USP32: variants seen among roughly 807,000 people sequenced by gnomAD.
The protein encoded by USP32 is ubiquitin carboxyl-terminal hydrolase 32.
USP32 carries 59 observed loss-of-function variants against 204.8 expected under a neutral mutation model. The observed-to-expected ratio is 0.29, with a 90% CI of 0.23 to 0.36. USP32 has a LOEUF of 0.36. Among genes scored for constraint, USP32 ranks in the 10% least tolerant of loss-of-function variants. USP32 has a pLI of 1.00. For synonymous variants in USP32, 517 were observed against 678.4 expected (o/e 0.76, Z 3.70); for missense variants, 1,160 against 1,946.4 (o/e 0.60, Z 7.60).
chr17:60,301,890 T>C (rs2087586033), intron 2 of USP32, among the ~76,000 whole-genome samples, 186 bp from the exon 3 acceptor site: 1 of 152,212 alleles, frequency 6.6e-6, no homozygotes, highest in South Asian at 2.1e-4. Flanking sequence ...CAGCCTAGAA[T>C]AGACTGTGAC....
Position 60,391,997 on chromosome 17 carries a change from CG to C in USP32, c.-59del. ...CCTGATCTCGCCCCCACCCCCCTCCCGCCTTCTCCTCGGCGTCCCTGGGTGA... is the reference window on the plus strand; with the variant it reads ...CCTGATCTCGCCCCCACCCCCCTCCCCCTTCTCCTCGGCGTCCCTGGGTGA... On this transcript the variant is annotated 5_prime_UTR_variant, in exon 1 of 34. Transcript: ENST00000300896. 6.4e-7 allele frequency: 1 copy of C among 1,566,550 alleles called. No homozygotes were observed. The highest frequency in any genetic ancestry group is 8.7e-7 in the Non-Finnish European group (1 of 1,153,328).
At chr17:60,197,409 A>G (rs181580552) in intron 27 of USP32, among the ~76,000 whole-genome samples, 33 of 152,100 alleles carry the variant, frequency 2.2e-4, no homozygotes, top group African/African-American at 7.7e-4. Context: ...GTTTGAGAAC[A>G]GCCTGACCAA....
intron 3 of USP32, among the ~76,000 whole-genome samples, chr17:60,296,964 C>G (rs2087446189): frequency 6.6e-6 from 1 of 152,114 alleles, no homozygotes; most frequent in Non-Finnish European, 1.5e-5. Context: ...ATCCCTTTTG[C>G]AGTTTAGAGA....
At chr17:60,368,104 T>C (rs2089355196) in intron 1 of USP32, among the ~76,000 whole-genome samples, 1 of 152,160 alleles carries the variant, frequency 6.6e-6, no homozygotes, top group Non-Finnish European at 1.5e-5. Flanking sequence ...AAGGGACTCC[T>C]GTCCTTCAAA....
At chr17:60,368,183 T>C (rs2089356228) in intron 1 of USP32, among the ~76,000 whole-genome samples, 1 of 152,164 alleles carries the variant, frequency 6.6e-6, no homozygotes, top group Non-Finnish European at 1.5e-5. Context: ...CCCTGTTTCA[T>C]ACAATTCCAA....
chr17:60,414,411 T>G (rs1043855021), intron 1 of USP32, among the ~76,000 whole-genome samples: 7 of 151,406 alleles, frequency 4.6e-5, no homozygotes, highest in Admixed American at 4.0e-4. Flanking sequence ...CTAACTTCCT[T>G]GGTGATTGTT....
In USP32 at chr17:60,219,632, C is replaced by T. The variant is rs775512185; in HGVS notation, c.1867+38G>A. ...CTTGCTGCATTCTTAAGTTACCTCT[C>T]GGTAAATGCTGAGGAAACATTCTCA... On this transcript the variant is annotated intron_variant, in intron 16 of 33. Coordinates refer to ENST00000300896, the MANE Select transcript of USP32 (RefSeq NM_032582.4). The T allele has an allele frequency of 1.0e-5, 15 of 1,478,986 alleles. 1 individual carries two copies. Among genetic ancestry groups the T allele is most frequent in the African/African-American group, 4.8e-5 (3 of 62,252 alleles). 91.6% of individuals were successfully genotyped at this position (1,478,986 alleles called of 1,614,324 possible).
At chr17:60,218,506 G>T (rs1157483533) in intron 16 of USP32, among the ~76,000 whole-genome samples, 1 of 152,054 alleles carries the variant, frequency 6.6e-6, no homozygotes, top group East Asian at 1.9e-4. Context: ...TTTGGTCAGG[G>T]TTTAGAGGTA....
chr17:60,279,241 T>TTTGGGATTACTCCCAAA (rs2086907847), intron 5 of USP32, among the ~76,000 whole-genome samples: 1 of 152,138 alleles, frequency 6.6e-6, no homozygotes, highest in Non-Finnish European at 1.5e-5. Context: ...GGCTCACACC[T>TTTGGGATTACTCCCAAA]GTAATCCCAG....
upstream of USP32, among the ~76,000 whole-genome samples, chr17:60,393,464 A>T (rs1373691663): frequency 1.3e-5 from 2 of 152,210 alleles, no homozygotes; most frequent in Non-Finnish European, 2.9e-5. Context: ...ATTATTATTT[A>T]GTTCCTTGAT....
intron 1 of USP32, among the ~76,000 whole-genome samples, chr17:60,364,777 A>C (rs190847074): frequency 5.5e-4 from 84 of 152,362 alleles, no homozygotes; most frequent in Non-Finnish European, 3.2e-4. Context: ...ATAAAGGCCA[A>C]CATAATTTAT....
Position 60,178,726 on chromosome 17 carries a change from T to TTGAAAAATCCTCGTCCATGCC in USP32, c.*508_*528dup, listed in dbSNP as rs1446622536. ...GTATGGAAACAGTTTAAAAAATAAA[T>TTGAAAAATCCTCGTCCATGCC]TGAAAAATCCTCGTCCATGCCTTAA... On this transcript the variant is annotated 3_prime_UTR_variant, in exon 34 of 34. Coordinates refer to ENST00000300896, the MANE Select transcript of USP32 (RefSeq NM_032582.4). Among the ~76,000 whole-genome samples, 2 of 152,344 alleles carry TTGAAAAATCCTCGTCCATGCC rather than the reference T, an allele frequency of 1.3e-5. No homozygotes were observed. Among genetic ancestry groups the TTGAAAAATCCTCGTCCATGCC allele is most frequent in the East Asian group, 3.9e-4 (2 of 5,192 alleles).
chr17:60,267,000 G>T (rs2086609404), intron 7 of USP32, among the ~76,000 whole-genome samples: 1 of 151,086 alleles, frequency 6.6e-6, no homozygotes, highest in Non-Finnish European at 1.5e-5. Context: ...TGTTGGCCAG[G>T]CTGGTCTCAA....
At chr17:60,365,211 T>A (rs1310155274) in intron 1 of USP32, among the ~76,000 whole-genome samples, 1 of 152,188 alleles carries the variant, frequency 6.6e-6, no homozygotes, top group Non-Finnish European at 1.5e-5. Flanking sequence ...CCGGGTGCGG[T>A]GGCTCATACC....
Position 60,185,451 on chromosome 17 carries a change from G to A in USP32, c.3834+9C>T, listed in dbSNP as rs1312657589. 1 of 1,597,410 alleles carries A rather than the reference G, an allele frequency of 6.3e-7. No homozygotes were observed. Among genetic ancestry groups the A allele is most frequent in the Non-Finnish European group, 8.6e-7 (1 of 1,168,326 alleles). On this transcript the variant is annotated intron_variant, in intron 30 of 33. Coordinates refer to ENST00000300896, the MANE Select transcript of USP32 (RefSeq NM_032582.4). ...TTCCTGCTCTCTCAGAGGCAGGACT[G>A]TAACATACCAGGATGGGTGGAAGCC...
At chr17:60,349,578 GAAAAAA>G (rs757370384) in intron 1 of USP32, among the ~76,000 whole-genome samples, 702 of 27,574 alleles carry the variant, frequency 0.025, 6 homozygotes, top group Admixed American at 0.092. Flanking sequence ...TGTCTCAAAA[GAAAAAA>G]AAAAAAAAAA....
chr17:60,405,058 G>A (rs897430444), intron 1 of USP32, among the ~76,000 whole-genome samples: 1 of 152,106 alleles, frequency 6.6e-6, no homozygotes, highest in Non-Finnish European at 1.5e-5. Flanking sequence ...ACAGCTACTC[G>A]GGAGGCTGAA....
rs770401337 is a variant in USP32 at position 60,363,606 on chromosome 17, C to T, written c.59-17998G>A. On this transcript the variant is annotated intron_variant, in intron 1 of 33. Coordinates refer to ENST00000300896, the MANE Select transcript of USP32 (RefSeq NM_032582.4). Reference sequence around the variant, plus strand: ...TGTAGGCTTGACTTCCCACTCTCACCCTCCTTAGTAGCTGGGACCATAGGT... The same window carrying T: ...TGTAGGCTTGACTTCCCACTCTCACTCTCCTTAGTAGCTGGGACCATAGGT... Among the ~76,000 whole-genome samples, 4 of 151,684 alleles carry T rather than the reference C, an allele frequency of 2.6e-5. 1 individual carries two copies. In the East Asian group the frequency reaches 7.8e-4, roughly 30 times the overall value.
intron 1 of USP32, among the ~76,000 whole-genome samples, chr17:60,365,326 T>C (rs1445314166): frequency 2.6e-5 from 4 of 151,480 alleles, no homozygotes; most frequent in East Asian, 3.9e-4. Flanking sequence ...TGAAAAAATA[T>C]AAAAATTAGC....
Sources: gnomAD v4.1 joint callset for allele counts (sites outside exome capture counted in the v4.1 genomes callset) on GRCh38, gnomAD v4.1.1 for gene constraint, MANE v1.5 for transcripts, NCBI Gene and HGNC (gene_info 2026-07-23, HGNC 2026-07-21) for gene names.